TIMP2: variants seen among roughly 807,000 people sequenced by gnomAD.
TIMP2 encodes the protein TIMP metallopeptidase inhibitor 2, also known as metalloproteinase inhibitor 2.
In TIMP2, 5 loss-of-function variants were observed where a neutral mutation model predicts 24.3. The ratio of observed to expected loss-of-function variants is 0.21; its 90% confidence interval spans 0.11 to 0.43. The LOEUF (loss-of-function observed/expected upper bound fraction) is 0.43. Among genes scored for constraint, TIMP2 ranks in the 20% least tolerant of loss-of-function variants. TIMP2 has a pLI of 1.00. For synonymous variants in TIMP2, 130 were observed against 123.2 expected (o/e 1.06, Z -0.37); for missense variants, 221 against 297.5 (o/e 0.74, Z 1.89).
intron 1 of TIMP2, among the ~76,000 whole-genome samples, chr17:78,893,657 C>T (rs963068753): frequency 1.3e-5 from 2 of 151,918 alleles, no homozygotes; most frequent in African/African-American, 4.8e-5. Flanking sequence ...CCGTGTGGGG[C>T]ATGCAGGTAT....
At chr17:78,860,854 G>A (rs898620087) in intron 3 of TIMP2, among the ~76,000 whole-genome samples, 11 of 151,976 alleles carry the variant, frequency 7.2e-5, no homozygotes, top group South Asian at 4.1e-4. Context: ...TGGCCAACAC[G>A]GTGAAACCCC....
intron 1 of TIMP2, among the ~76,000 whole-genome samples, chr17:78,913,895 GAA>G (rs34119062): frequency 0.021 from 2,157 of 102,174 alleles, 78 homozygotes; most frequent in African/African-American, 0.075. Flanking sequence ...CTGTCTCGGG[GAA>G]AAAAAAAAAA....
chr17:78,893,561 G>T (rs2069952251), intron 1 of TIMP2, among the ~76,000 whole-genome samples: 1 of 151,994 alleles, frequency 6.6e-6, no homozygotes, highest in African/African-American at 2.4e-5. Context: ...GCACATCTGT[G>T]TGTACAGGGG....
chr17:78,863,282 G>A (rs1007730875), intron 3 of TIMP2, among the ~76,000 whole-genome samples: 11 of 151,908 alleles, frequency 7.2e-5, no homozygotes, highest in South Asian at 2.1e-4. Flanking sequence ...TTGCTCTGTC[G>A]CCCAGGCTAG....
chr17:78,877,430 T>C (rs1323811580), intron 1 of TIMP2, among the ~76,000 whole-genome samples: 1 of 151,520 alleles, frequency 6.6e-6, no homozygotes, highest in Non-Finnish European at 1.5e-5. Context: ...AATACAAAAA[T>C]CCCAGCCACT....
At chr17:78,881,364 C>T (rs569307054) in intron 1 of TIMP2, among the ~76,000 whole-genome samples, 11 of 152,330 alleles carry the variant, frequency 7.2e-5, no homozygotes, top group South Asian at 2.1e-4. Flanking sequence ...TCCTGGGAGT[C>T]GGGTGGGGGC....
chr17:78,871,075 C>T, intron 2 of TIMP2, 69 bp from the exon 3 acceptor site: 2 of 1,352,526 alleles, frequency 1.5e-6, no homozygotes, highest in Admixed American at 1.8e-5. Flanking sequence ...CGTTCCCATC[C>T]AGAACACCCT....
chr17:78,893,775 A>T (rs2069956258), intron 1 of TIMP2, among the ~76,000 whole-genome samples: 1 of 152,084 alleles, frequency 6.6e-6, no homozygotes, highest in Non-Finnish European at 1.5e-5. Flanking sequence ...TTTTATAATG[A>T]TCAGAGAAGG....
Position 78,888,801 on chromosome 17 carries a change from T to G in TIMP2, c.131-14882A>C, listed in dbSNP as rs531641241. 1.3e-5 allele frequency among the ~76,000 whole-genome samples: 2 copies of G among 152,292 alleles called. 1 individual carries two copies. The highest frequency in any genetic ancestry group is 4.8e-5 in the African/African-American group (2 of 41,542). ...GAAAAGGGAGGTAGCGCACAGGTAG[T>G]GAATATTCTGGGTCTTGGGTCTGGG... On this transcript the variant is annotated intron_variant, in intron 1 of 4. Coordinates refer to ENST00000262768, the MANE Select transcript of TIMP2 (RefSeq NM_003255.5).
chr17:78,874,897 C>T (rs2069716563), intron 1 of TIMP2, among the ~76,000 whole-genome samples: 1 of 152,192 alleles, frequency 6.6e-6, no homozygotes, highest in South Asian at 2.1e-4. Flanking sequence ...GCTGCCACCA[C>T]ACCCAGCTAA....
intron 1 of TIMP2, among the ~76,000 whole-genome samples, chr17:78,882,007 C>G (rs1002254685): frequency 2.6e-5 from 4 of 152,334 alleles, no homozygotes; most frequent in Admixed American, 2.0e-4. Flanking sequence ...TCTTGTCGCC[C>G]AGGCTGGAAT....
At chr17:78,866,343 A>T (rs1379211550) in intron 3 of TIMP2, among the ~76,000 whole-genome samples, 2 of 151,264 alleles carry the variant, frequency 1.3e-5, no homozygotes, top group Non-Finnish European at 2.9e-5. Flanking sequence ...AGCTGGTAAG[A>T]TCTTTGCACC....
intron 1 of TIMP2, among the ~76,000 whole-genome samples, chr17:78,892,989 C>T (rs2069925407): frequency 6.6e-6 from 1 of 152,090 alleles, no homozygotes; most frequent in South Asian, 2.1e-4. Context: ...AAGTCTGGGC[C>T]TCTGGAGGGA....
chr17:78,923,153 G>T (rs140181733), intron 1 of TIMP2, among the ~76,000 whole-genome samples: 1 of 152,052 alleles, frequency 6.6e-6, no homozygotes, highest in African/African-American at 2.4e-5. Context: ...TTAGCTACAG[G>T]ATGATTTTGA....
chr17:78,861,925 T>C (rs978953462), intron 3 of TIMP2, among the ~76,000 whole-genome samples: 9 of 152,072 alleles, frequency 5.9e-5, no homozygotes, highest in Non-Finnish European at 1.2e-4. Context: ...CATGTATAAA[T>C]GTGAAGAGAG....
intron 1 of TIMP2, among the ~76,000 whole-genome samples, chr17:78,905,366 C>T (rs2070149253): frequency 6.6e-6 from 1 of 152,234 alleles, no homozygotes; most frequent in Non-Finnish European, 1.5e-5. Flanking sequence ...TCAATTCCCA[C>T]ATAAATCCCA....
intron 1 of TIMP2, among the ~76,000 whole-genome samples, chr17:78,908,367 T>A (rs1657319424): frequency 6.6e-6 from 1 of 152,220 alleles, no homozygotes; most frequent in Admixed American, 6.5e-5. Flanking sequence ...GAAGACTTAT[T>A]TTTAAAGTCC....
intron 1 of TIMP2, among the ~76,000 whole-genome samples, chr17:78,909,792 A>C (rs1599174572): frequency 1.4e-5 from 2 of 147,058 alleles, no homozygotes; most frequent in Admixed American, 6.8e-5. Context: ...CCCTTATTCC[A>C]CCCCCCGCCC....
At chr17:78,909,756 G>A (rs1441481305) in intron 1 of TIMP2, among the ~76,000 whole-genome samples, 2 of 152,102 alleles carry the variant, frequency 1.3e-5, no homozygotes, top group Non-Finnish European at 2.9e-5. Flanking sequence ...CCAAGTAGCC[G>A]GCCTTGCTGG....
Sources: allele counts gnomAD v4.1 joint callset (sites outside exome capture counted in the v4.1 genomes callset), GRCh38; gene constraint gnomAD v4.1.1; transcripts MANE v1.5; gene names NCBI Gene and HGNC (gene_info 2026-07-23, HGNC 2026-07-21).